IQSEC2: variants seen among roughly 807,000 people sequenced by gnomAD.
The protein encoded by IQSEC2 is IQ motif and SEC7 domain-containing protein 2.
Under a neutral mutation model 74.6 loss-of-function variants are expected in IQSEC2, and 6 were observed. The ratio of observed to expected loss-of-function variants is 0.08; its 90% CI spans 0.04 to 0.16. The LOEUF (loss-of-function observed/expected upper bound fraction) is 0.16, where lower values mean the gene tolerates loss of function less well. Among genes scored for constraint, IQSEC2 ranks in the 10% least tolerant of loss-of-function variants. IQSEC2 has a pLI of 1.00. For synonymous variants in IQSEC2, 494 were observed against 544.5 expected, an observed-to-expected ratio of 0.91 and a Z score of 1.29; for missense variants, 734 against 1,306.2, an observed-to-expected ratio of 0.56 and a Z score of 6.75.
intron 2 of IQSEC2, among the ~76,000 whole-genome samples, chrX:53,257,258 G>T (rs1377678529): frequency 8.9e-6 from 1 of 112,257 alleles, no homozygotes; most frequent in Admixed American, 9.3e-5. Flanking sequence ...TACTGGGGGG[G>T]ACCCTACCAG....
chrX:53,303,129 G>A (rs1239997228), intron 1 of IQSEC2, among the ~76,000 whole-genome samples: 2 of 109,086 alleles, frequency 1.8e-5, no homozygotes, highest in Admixed American at 9.8e-5. Flanking sequence ...CTTGAGCCCA[G>A]GAGGTAGAGG....
intron 1 of IQSEC2, among the ~76,000 whole-genome samples, chrX:53,296,154 G>A (rs934958614): frequency 2.5e-4 from 27 of 109,370 alleles, no homozygotes; most frequent in Non-Finnish European, 4.2e-4. Context: ...TCCTGCCTCA[G>A]CCTCCTGAGT....
At chrX:53,230,665 G>A (rs2074060585), downstream of IQSEC2, 1 of 115,102 alleles carries the variant, frequency 8.7e-6, no homozygotes, top group Non-Finnish European at 1.8e-5. Flanking sequence ...GCGCGAGCTC[G>A]CTCAGCTCAC....
In IQSEC2 at chrX:53,250,584, T is replaced by C; in HGVS notation, c.1992A>G (p.Pro664=). ...PAPAPPGPLP[P]APNSGTGPSG... is the part of the protein sequence containing the mutation. ...TGGGCCCAGTGCCACTGTTGGGGGC[T>C]GGTGGCAGGGGCCCTGGTGGGGCTG... is the stretch of plus-strand genomic sequence containing the variant. The change falls in exon 5 of 15, where the codon CCA becomes CCG. Residue 664 remains proline, a synonymous_variant. Coordinates refer to ENST00000642864, the MANE Select transcript of IQSEC2 (RefSeq NM_001111125.3). 1 of 1,209,623 alleles carries C rather than the reference T, an allele frequency of 8.3e-7. No individual in the cohort carries two copies.
intron 2 of IQSEC2, among the ~76,000 whole-genome samples, chrX:53,268,896 C>T (rs1360055758): frequency 5.3e-5 from 6 of 112,497 alleles, no homozygotes; most frequent in African/African-American, 1.9e-4. Flanking sequence ...CTTTCCTTAC[C>T]TGCAAACTGA....
intron 1 of IQSEC2, among the ~76,000 whole-genome samples, chrX:53,317,473 TTA>T (rs782585344): frequency 4.5e-5 from 5 of 111,620 alleles, no homozygotes; most frequent in Non-Finnish European, 9.4e-5. Context: ...GGAGTCTGTC[TTA>T]TGAGTAATGT....
intron 1 of IQSEC2, among the ~76,000 whole-genome samples, chrX:53,293,074 C>T (rs1444295340): frequency 8.9e-6 from 1 of 111,887 alleles, no homozygotes; most frequent in African/African-American, 3.3e-5. Context: ...CTATGCTAAG[C>T]GCTAAATGAC....
chrX:53,317,360 G>A (rs892073515), intron 1 of IQSEC2, among the ~76,000 whole-genome samples: 1 of 111,808 alleles, frequency 8.9e-6, no homozygotes, highest in Non-Finnish European at 1.9e-5. Context: ...CCTGTCCAGA[G>A]GGGACGGTGC....
chrX:53,254,869 G>T lies in IQSEC2; in HGVS notation c.1062C>A (p.Ile354=), dbSNP rs1556864731. 2.5e-6 allele frequency: 3 copies of T among 1,210,200 alleles called. No homozygotes were observed. The South Asian group carries it at 5.3e-5, about 21-fold the overall frequency. The change falls in exon 4 of 15, where the codon ATC becomes ATA. Residue 354 remains isoleucine, a synonymous_variant. Coordinates refer to ENST00000642864, the MANE Select transcript of IQSEC2 (RefSeq NM_001111125.3). ...TGCGGTACTGGCGGAAGGCTGTCTG[G>T]ATGGTCCTGGCAGCCCTGCGGCTCA... ...SFLSRRAART[I]QTAFRQYRMN...
At chrX:53,260,645 T>C (rs1373055308) in intron 2 of IQSEC2, among the ~76,000 whole-genome samples, 4 of 111,191 alleles carry the variant, frequency 3.6e-5, no homozygotes, top group Non-Finnish European at 3.8e-5. Flanking sequence ...AGGTATGCCT[T>C]TCCATGCCTG....
chrX:53,281,719 C>CGAG, intron 2 of IQSEC2: 1 of 426,754 alleles, frequency 2.3e-6, no homozygotes, highest in Non-Finnish European at 3.8e-6. Flanking sequence ...ACTCCTCCTC[C>CGAG]GAGGAAGCGG....
At chrX:53,235,900 G>C in intron 13 of IQSEC2, 68 bp from the exon 14 acceptor site, 1 of 1,052,252 alleles carries the variant, frequency 9.5e-7, no homozygotes, top group Non-Finnish European at 1.3e-6. Flanking sequence ...GGGCTCCAGA[G>C]CTGGGCACCA....
In IQSEC2 at chrX:53,254,222, C is replaced by T. The variant is rs185971516; in HGVS notation, c.1401+308G>A. The stretch of plus-strand genomic sequence containing the variant: ...TCACATACCTGCAATCCCAGCTACT[C>T]GGGAGAGTGAGACAGGAGAATCACT... On this transcript the variant is annotated intron_variant, in intron 4 of 14. Transcript: ENST00000642864. 1.8e-3 allele frequency among the ~76,000 whole-genome samples: 190 copies of T among 107,806 alleles called. 2 individuals carry two copies. Among genetic ancestry groups the T allele is most frequent in the Non-Finnish European group, 2.6e-3 (137 of 52,232 alleles). The allele number at this position is 107,806 out of a possible 115,157, so 93.6% of individuals were successfully genotyped here. A position where few individuals can be genotyped will look rare whatever the true frequency, so the allele number is the denominator to read the frequency against.
At chrX:53,227,479 A>G (rs1455470875), downstream of IQSEC2, 13 of 289,185 alleles carry the variant, frequency 4.5e-5, no homozygotes, top group Non-Finnish European at 6.6e-5. Flanking sequence ...GGTGAGGGAA[A>G]AGGGAGCTGC....
At chrX:53,308,080 C>A (rs192618550) in intron 1 of IQSEC2, among the ~76,000 whole-genome samples, 141 of 100,000 alleles carry the variant, frequency 1.4e-3, no homozygotes, top group South Asian at 2.1e-3. Flanking sequence ...GGGAGAATCG[C>A]TTGAACCCGG....
intron 1 of IQSEC2, among the ~76,000 whole-genome samples, chrX:53,292,423 C>G (rs1188955391): frequency 8.9e-6 from 1 of 112,141 alleles, no homozygotes; most frequent in Non-Finnish European, 1.9e-5. Flanking sequence ...CCGATCCTCA[C>G]TGGGCTGTTG....
chrX:53,297,356 G>A (rs1286518137), intron 1 of IQSEC2, among the ~76,000 whole-genome samples: 11 of 110,095 alleles, frequency 1.0e-4, no homozygotes, highest in African/African-American at 3.6e-4. Context: ...TTTTGAGACA[G>A]GTCCTCATCC....
chrX:53,319,853 T>TC (rs781991488), intron 1 of IQSEC2, among the ~76,000 whole-genome samples: 62 of 109,579 alleles, frequency 5.7e-4, no homozygotes, highest in South Asian at 2.4e-3. Context: ...CCATCTTTGC[T>TC]CCCCCCGGCC....
At chrX:53,281,628 C>T (rs917911422) in intron 2 of IQSEC2, 9 of 935,009 alleles carry the variant, frequency 9.6e-6, no homozygotes, top group Non-Finnish European at 1.3e-5. Flanking sequence ...ACCAAGAAGG[C>T]GGGGCCAGGC....
Sources: gnomAD v4.1 joint callset for allele counts (sites outside exome capture counted in the v4.1 genomes callset) on GRCh38, gnomAD v4.1.1 for gene constraint, MANE v1.5 for transcripts, NCBI Gene and HGNC (gene_info 2026-07-23, HGNC 2026-07-21) for gene names.